GNPTAB: variants seen among roughly 807,000 people sequenced by gnomAD.
GNPTAB encodes N-acetylglucosamine-1-phosphate transferase subunits alpha and beta.
In GNPTAB, 92 loss-of-function variants were observed where a neutral mutation model predicts 136.6. The observed-to-expected ratio is 0.67, with a 90% confidence interval of 0.57 to 0.80. The LOEUF is 0.80. Ranked by LOEUF, GNPTAB falls within the 30% of genes least tolerant of loss-of-function variation. GNPTAB has a pLI of 0.00. For missense variants in GNPTAB, 1,343 were observed against 1,501.8 expected (o/e 0.89, Z 1.75); for synonymous variants, 512 against 535.1 (o/e 0.96, Z 0.60).
At chr12:101,809,589 T>C (rs1404724437) in intron 1 of GNPTAB, among the ~76,000 whole-genome samples, 1 of 152,160 alleles carries the variant, frequency 6.6e-6, no homozygotes, top group East Asian at 1.9e-4. Context: ...AAAAGAGCCA[T>C]CAAGTCATGA....
chr12:101,825,060 G>C (rs1871016772), intron 1 of GNPTAB, among the ~76,000 whole-genome samples: 1 of 152,098 alleles, frequency 6.6e-6, no homozygotes, highest in Non-Finnish European at 1.5e-5. Flanking sequence ...GAACTGCCTC[G>C]AGGATGTTTC....
chr12:101,753,602 G>A, intron 18 of GNPTAB, 63 bp from the exon 19 acceptor site: 1 of 1,308,210 alleles, frequency 7.6e-7, no homozygotes, highest in East Asian at 2.3e-5. Context: ...AACAAAACAA[G>A]GATGTGGATT....
chr12:101,824,799 G>C (rs1871005720), intron 1 of GNPTAB, among the ~76,000 whole-genome samples: 1 of 152,084 alleles, frequency 6.6e-6, no homozygotes, highest in East Asian at 1.9e-4. Flanking sequence ...TAATAAACTA[G>C]TTAATAAGCT....
chr12:101,769,462 T>C (rs980717743), intron 10 of GNPTAB, among the ~76,000 whole-genome samples: 2 of 152,156 alleles, frequency 1.3e-5, no homozygotes, highest in African/African-American at 2.4e-5. Context: ...ATTGAGATGG[T>C]TGGGAAAAAG....
intron 18 of GNPTAB, chr12:101,756,989 T>C (rs1268765581): frequency 1.4e-5 from 7 of 497,654 alleles, no homozygotes; most frequent in Non-Finnish European, 2.5e-5. Flanking sequence ...GAACAGCTTG[T>C]TATTAATAGA....
intron 18 of GNPTAB, among the ~76,000 whole-genome samples, chr12:101,755,714 A>T (rs954658704): frequency 6.6e-6 from 1 of 152,208 alleles, no homozygotes; most frequent in Middle Eastern, 3.2e-3. Flanking sequence ...TCCATGCCTG[A>T]CTTAAAATAA....
chr12:101,795,707 C>T (rs924830984), intron 2 of GNPTAB, among the ~76,000 whole-genome samples: 5 of 151,820 alleles, frequency 3.3e-5, no homozygotes, highest in East Asian at 3.9e-4. Context: ...GAGCCGAAAT[C>T]GTGCCACTGC....
At chr12:101,828,547 T>C (rs1405822803) in intron 1 of GNPTAB, among the ~76,000 whole-genome samples, 1 of 151,984 alleles carries the variant, frequency 6.6e-6, no homozygotes, top group Non-Finnish European at 1.5e-5. Context: ...TAATCCCAGC[T>C]ACTTGGGAGG....
At chr12:101,791,305 T>C (rs975430) in intron 2 of GNPTAB, among the ~76,000 whole-genome samples, 94,342 of 151,948 alleles carry the variant, frequency 0.62, 30,840 homozygotes, top group East Asian at 0.92. Flanking sequence ...GCATGCCACT[T>C]TGACTTATGA....
At chr12:101,793,669 T>C (rs114380670) in intron 2 of GNPTAB, among the ~76,000 whole-genome samples, 2,541 of 152,258 alleles carry the variant, frequency 0.017, 76 homozygotes, top group African/African-American at 0.058. Context: ...TAAGACTAAG[T>C]CACTCATAAC....
At chr12:101,776,353 G>T (rs1254576820) in intron 7 of GNPTAB, among the ~76,000 whole-genome samples, 1 of 152,176 alleles carries the variant, frequency 6.6e-6, no homozygotes, top group Non-Finnish European at 1.5e-5. Flanking sequence ...TGAATTCTGT[G>T]TCCGTCATAC....
At chr12:101,789,885 C>A (rs1868878577) in intron 3 of GNPTAB, 53 bp downstream of exon 3, 1 of 1,542,098 alleles carries the variant, frequency 6.5e-7, no homozygotes, top group Non-Finnish European at 9.0e-7. Flanking sequence ...ACCCTCAGAC[C>A]TTATTACATC....
At chr12:101,766,590 A>AT (rs1160671247) in intron 11 of GNPTAB, among the ~76,000 whole-genome samples, 1 of 152,196 alleles carries the variant, frequency 6.6e-6, no homozygotes, top group Admixed American at 6.5e-5. Flanking sequence ...CTGAGCCAAG[A>AT]TTACACCACT....
chr12:101,796,814 T>TTTC, intron 1 of GNPTAB, 52 bp from the exon 2 acceptor site: 1 of 1,149,902 alleles, frequency 8.7e-7, no homozygotes, highest in East Asian at 2.3e-5. Flanking sequence ...TAAGAGTATA[T>TTTC]AACTTTCATT....
At chr12:101,748,498 C>A (rs146996573) in intron 20 of GNPTAB, among the ~76,000 whole-genome samples, 1 of 152,330 alleles carries the variant, frequency 6.6e-6, no homozygotes, top group East Asian at 1.9e-4. Context: ...TCTCTTATCC[C>A]TTTCTCTTTA....
At chr12:101,753,988 C>T (rs1017395212) in intron 18 of GNPTAB, among the ~76,000 whole-genome samples, 8 of 151,804 alleles carry the variant, frequency 5.3e-5, no homozygotes, top group Admixed American at 5.3e-4. Context: ...ATCTCTACTA[C>T]AAATATGAAA....
At position 101,771,063 on chromosome 12, in the gene GNPTAB, G is replaced by C. The variant is rs138289260; in HGVS notation, c.866C>G (p.Thr289Ser). ...ELNKQTKKNM[T>S]IDGKELTISP... ...TATGGTCAGTTCTTTTCCATCAATG[G>C]TCATGTTCTTCTTAGTTTGCTTATT... is the stretch of plus-strand genomic sequence containing the variant. The change falls in exon 8 of 21, where the codon ACC becomes AGC. Residue 289 changes from threonine (T) to serine (S), a missense_variant. Coordinates refer to ENST00000299314, the MANE Select transcript of GNPTAB (RefSeq NM_024312.5). 1.5e-5 allele frequency: 24 copies of C among 1,613,762 alleles called. No homozygotes were observed. The Middle Eastern group carries it at 1.2e-3, about 78-fold the overall frequency.
At chr12:101,781,286 T>C (rs1953339592) in intron 5 of GNPTAB, among the ~76,000 whole-genome samples, 1 of 152,080 alleles carries the variant, frequency 6.6e-6, no homozygotes, top group Non-Finnish European at 1.5e-5. Context: ...AAGCTCCAAT[T>C]CTGATCTTCA....
chr12:101,769,003 A>G (rs924740022), intron 10 of GNPTAB, among the ~76,000 whole-genome samples: 1 of 152,232 alleles, frequency 6.6e-6, no homozygotes, highest in African/African-American at 2.4e-5. Flanking sequence ...AGTCTGATAC[A>G]GAGGAGACAA....
Sources: gnomAD v4.1 joint callset for allele counts (sites outside exome capture counted in the v4.1 genomes callset) on GRCh38, gnomAD v4.1.1 for gene constraint, MANE v1.5 for transcripts, NCBI Gene and HGNC (gene_info 2026-07-23, HGNC 2026-07-21) for gene names.